SEC22A: variants seen among roughly 807,000 people sequenced by gnomAD.
SEC22A encodes the protein SEC22 homolog A, vesicle trafficking protein, also known as vesicle-trafficking protein SEC22a.
SEC22A carries 22 observed loss-of-function variants against 35.3 expected under a neutral mutation model. That is an observed-to-expected ratio of 0.62 (90% CI 0.45 to 0.89). The LOEUF (loss-of-function observed/expected upper bound fraction) is 0.89, where lower values mean the gene tolerates loss of function less well. SEC22A is among the 40% of genes least tolerant of loss of function. The pLI, the probability that SEC22A is intolerant of heterozygous loss-of-function variation, is 0.00. For missense variants in SEC22A, 354 were observed against 362.5 expected (o/e 0.98, Z 0.19); for synonymous variants, 119 against 129.5 (o/e 0.92, Z 0.55).
chr3:123,223,460 C>T (rs1937165622), intron 2 of SEC22A, 99 bp from the exon 3 acceptor site: 2 of 876,342 alleles, frequency 2.3e-6, no homozygotes, highest in Admixed American at 2.4e-5. Context: ...TTCATTGCCA[C>T]CGTAGTAGCA....
At chr3:123,252,422 T>C (rs188100546) in intron 5 of SEC22A, among the ~76,000 whole-genome samples, 1 of 152,056 alleles carries the variant, frequency 6.6e-6, no homozygotes, top group Non-Finnish European at 1.5e-5. Context: ...TATCACAATG[T>C]TAGAGGAGGG....
chr3:123,244,968 A>C (rs1937554905), intron 4 of SEC22A, among the ~76,000 whole-genome samples: 1 of 152,314 alleles, frequency 6.6e-6, no homozygotes, highest in South Asian at 2.1e-4. Context: ...CCTGGAAGAT[A>C]AGGGAATGTA....
At chr3:123,219,127 G>A (rs142456922) in intron 2 of SEC22A, among the ~76,000 whole-genome samples, 12 of 152,310 alleles carry the variant, frequency 7.9e-5, no homozygotes, top group Middle Eastern at 3.4e-3. Context: ...AGCATTGCAA[G>A]TGGGGAAGAC....
At chr3:123,256,889 A>G (rs374876748) in intron 5 of SEC22A, among the ~76,000 whole-genome samples, 2 of 151,040 alleles carry the variant, frequency 1.3e-5, no homozygotes, top group African/African-American at 4.9e-5. Flanking sequence ...CCTCCCGAGT[A>G]TCTGGGACTA....
intron 1 of SEC22A, chr3:123,208,594 T>G (rs1936886081): frequency 6.6e-6 from 1 of 152,256 alleles, no homozygotes; most frequent in African/African-American, 2.4e-5. Flanking sequence ...AGCCACATCC[T>G]ATGCTGTGGC....
At chr3:123,212,862 T>C (rs1936960513) in intron 2 of SEC22A, among the ~76,000 whole-genome samples, 1 of 152,174 alleles carries the variant, frequency 6.6e-6, no homozygotes, top group Non-Finnish European at 1.5e-5. Flanking sequence ...TTGCAGATAT[T>C]ACCGTTGAGT....
At chr3:123,206,291 C>T (rs1166653712) in intron 1 of SEC22A, among the ~76,000 whole-genome samples, 2 of 152,120 alleles carry the variant, frequency 1.3e-5, no homozygotes, top group South Asian at 2.1e-4. Context: ...GACAGAGCCT[C>T]ACCATGTTTC....
intron 4 of SEC22A, among the ~76,000 whole-genome samples, chr3:123,235,540 A>T (rs981597792): frequency 6.6e-6 from 1 of 152,212 alleles, no homozygotes; most frequent in Non-Finnish European, 1.5e-5. Context: ...ACAAGTGTGG[A>T]TGAGGATATA....
chr3:123,238,380 T>C (rs1937455809), intron 4 of SEC22A, among the ~76,000 whole-genome samples: 1 of 152,028 alleles, frequency 6.6e-6, no homozygotes. Flanking sequence ...GTATTTTTAG[T>C]AGAGACAGGG....
At chr3:123,226,572 C>G (rs1168185755) in intron 4 of SEC22A, among the ~76,000 whole-genome samples, 1 of 152,130 alleles carries the variant, frequency 6.6e-6, no homozygotes, top group Non-Finnish European at 1.5e-5. Context: ...GTTGTTTGAG[C>G]TCATTGTGTA....
At chr3:123,260,899 G>A (rs565677786) in intron 6 of SEC22A, among the ~76,000 whole-genome samples, 94 of 148,338 alleles carry the variant, frequency 6.3e-4, no homozygotes, top group African/African-American at 2.2e-3. Context: ...GCAGTTGTGC[G>A]ATCTCGGCTC....
At chr3:123,262,447 C>T (rs1334157558) in intron 6 of SEC22A, among the ~76,000 whole-genome samples, 1 of 152,150 alleles carries the variant, frequency 6.6e-6, no homozygotes, top group African/African-American at 2.4e-5. Context: ...GTGCATATAG[C>T]GTGTATAAAC....
chr3:123,205,991 C>T (rs1936845098), intron 1 of SEC22A, among the ~76,000 whole-genome samples: 1 of 152,188 alleles, frequency 6.6e-6, no homozygotes, highest in African/African-American at 2.4e-5. Flanking sequence ...GATCTGTCCT[C>T]CAAGTCACTA....
At chr3:123,270,626 C>CGTG (rs1938138941) in intron 6 of SEC22A, among the ~76,000 whole-genome samples, 1 of 152,100 alleles carries the variant, frequency 6.6e-6, no homozygotes, top group Non-Finnish European at 1.5e-5. Context: ...AAAATCTCAC[C>CGTG]CCTCATGAAA....
At chr3:123,256,758 C>CTTCTT (rs1553712645) in intron 5 of SEC22A, among the ~76,000 whole-genome samples, 48 of 83,498 alleles carry the variant, frequency 5.7e-4, no homozygotes, top group Admixed American at 1.2e-3. Context: ...TTTTTCTTTC[C>CTTCTT]TTTTTTTTTT....
rs931937282 is a variant in SEC22A, at chr3:123,273,792, G to A, written c.*2070G>A. On this transcript the variant is annotated 3_prime_UTR_variant, in exon 7 of 7. Coordinates refer to ENST00000492595, the MANE Select transcript of SEC22A (RefSeq NM_012430.5). ...CCACTGTACTCCAGCCTGGCCAACA[G>A]AGCGAGACTCTGTCTCAAAAAAGAA... The A allele has an allele frequency of 6.6e-6, 1 of 151,508 alleles. No individual in the cohort carries two copies. Among genetic ancestry groups the A allele is most frequent in the South Asian group, 2.1e-4 (1 of 4,826 alleles). 9.4% of individuals were successfully genotyped at this position (151,508 alleles called of 1,614,324 possible).
At chr3:123,243,451 C>A (rs1409857707) in intron 4 of SEC22A, among the ~76,000 whole-genome samples, 1 of 152,090 alleles carries the variant, frequency 6.6e-6, no homozygotes, top group Non-Finnish European at 1.5e-5. Context: ...CATTCACATT[C>A]TTTTCTCTGC....
At chr3:123,242,513 T>TA (rs1937533007) in intron 4 of SEC22A, among the ~76,000 whole-genome samples, 1 of 151,544 alleles carries the variant, frequency 6.6e-6, no homozygotes, top group African/African-American at 2.4e-5. Flanking sequence ...TTTTTTTTTT[T>TA]AATTTTAGCT....
At chr3:123,267,180 T>C (rs1451730848) in intron 6 of SEC22A, among the ~76,000 whole-genome samples, 2 of 152,124 alleles carry the variant, frequency 1.3e-5, no homozygotes, top group Non-Finnish European at 2.9e-5. Context: ...ATGGGGTTGA[T>C]TCATGTTTTT....
Sources: gnomAD v4.1 joint callset for allele counts (sites outside exome capture counted in the v4.1 genomes callset) on GRCh38, gnomAD v4.1.1 for gene constraint, MANE v1.5 for transcripts, NCBI Gene and HGNC (gene_info 2026-07-23, HGNC 2026-07-21) for gene names.